Variants in CREB5 observed in about 807,000 individuals in gnomAD.
CREB5 encodes cyclic AMP-responsive element-binding protein 5.
CREB5 carries 19 observed loss-of-function variants against 57.1 expected under a neutral mutation model. The ratio of observed to expected loss-of-function variants is 0.33; its 90% confidence interval spans 0.23 to 0.49. The LOEUF (loss-of-function observed/expected upper bound fraction) is 0.49, where lower values mean the gene tolerates loss of function less well. Ranked by LOEUF, CREB5 falls within the 20% of genes least tolerant of loss-of-function variation. The pLI is 0.99. For missense variants in CREB5, 579 were observed against 671.6 expected (o/e 0.86, Z 1.52); for synonymous variants, 238 against 238.3 (o/e 1.00, Z 0.01).
chr7:28,562,367 C>T (rs1424956677), intron 4 of CREB5, among the ~76,000 whole-genome samples: 1 of 152,144 alleles, frequency 6.6e-6, no homozygotes, highest in Non-Finnish European at 1.5e-5. Context: ...GAGTATTCGA[C>T]TACAAGATTA....
chr7:28,306,568 T>TTTTTTTTTTTTTTTGTTTG (rs1785191302), intron 1 of CREB5, among the ~76,000 whole-genome samples: 9 of 132,712 alleles, frequency 6.8e-5, no homozygotes, highest in Non-Finnish European at 9.7e-5. Context: ...TTTTTTTTTT[T>TTTTTTTTTTTTTTTGTTTG]TTTTTTTTTT....
chr7:28,485,949 A>G (rs563158229), intron 1 of CREB5, among the ~76,000 whole-genome samples: 2 of 152,086 alleles, frequency 1.3e-5, no homozygotes, highest in Non-Finnish European at 2.9e-5. Context: ...AAGTTATTTT[A>G]ATTGCTCAAC....
intron 1 of CREB5, among the ~76,000 whole-genome samples, chr7:28,475,729 T>C (rs2128585947): frequency 6.6e-6 from 1 of 152,298 alleles, no homozygotes; most frequent in South Asian, 2.1e-4. Context: ...CTCTCCTTTC[T>C]TCCTGCCTGG....
chr7:28,534,636 T>C (rs1793880459), intron 4 of CREB5, among the ~76,000 whole-genome samples: 1 of 152,148 alleles, frequency 6.6e-6, no homozygotes, highest in African/African-American at 2.4e-5. Context: ...TTCCTTCTCT[T>C]CATCTCGACT....
intron 5 of CREB5, among the ~76,000 whole-genome samples, chr7:28,695,720 T>C (rs1801520973): frequency 6.6e-6 from 1 of 152,152 alleles, no homozygotes; most frequent in Admixed American, 6.5e-5. Flanking sequence ...ACTGAGTGCA[T>C]GTCTGATGAG....
intron 1 of CREB5, among the ~76,000 whole-genome samples, chr7:28,383,811 T>G: frequency 6.6e-6 from 1 of 152,160 alleles, no homozygotes; most frequent in East Asian, 1.9e-4. Context: ...GTAGCCAATT[T>G]GGGGAGTACA....
At chr7:28,720,574 T>C (rs558159478) in intron 6 of CREB5, among the ~76,000 whole-genome samples, 5 of 152,262 alleles carry the variant, frequency 3.3e-5, no homozygotes, top group Non-Finnish European at 7.4e-5. Flanking sequence ...GCCCGCAGAC[T>C]CAGTTTAGAG....
intron 5 of CREB5, among the ~76,000 whole-genome samples, chr7:28,645,162 G>A (rs1228801504): frequency 6.6e-6 from 1 of 152,134 alleles, no homozygotes; most frequent in Non-Finnish European, 1.5e-5. Context: ...AACAACTTGA[G>A]GCAATGGAAA....
In CREB5 at chr7:28,560,965, T is replaced by TGCGTGCGTGCGCGTGCGTGC. The variant is rs1554344532; in HGVS notation, c.292-9399_292-9398insCGTGCGTGCGCGTGCGTGCG. Among the ~76,000 whole-genome samples, 20 of 36,376 alleles carry TGCGTGCGTGCGCGTGCGTGC rather than the reference T, an allele frequency of 5.5e-4. 2 individuals are homozygous for TGCGTGCGTGCGCGTGCGTGC. Among genetic ancestry groups the TGCGTGCGTGCGCGTGCGTGC allele is most frequent in the Admixed American group, 7.1e-4 (3 of 4,218 alleles). The allele number at this position is 36,376 out of a possible 152,430, so 23.9% of individuals were successfully genotyped here. A position where few individuals can be genotyped will look rare whatever the true frequency, so the allele number is the denominator to read the frequency against. On this transcript the variant is annotated intron_variant, in intron 4 of 10. Coordinates refer to ENST00000357727, the MANE Select transcript of CREB5 (RefSeq NM_182898.4). ...GCGTGTGTGTGCGTGTGTGTGCGTG[T>TGCGTGCGTGCGCGTGCGTGC]GTGTGTGCGTGTGTGCGTGCGTGTG...
chr7:28,762,730 T>C (rs571175182), intron 7 of CREB5, among the ~76,000 whole-genome samples: 3 of 152,056 alleles, frequency 2.0e-5, no homozygotes, highest in African/African-American at 7.2e-5. Context: ...CTATGGTTTT[T>C]TTTTTTTCTT....
intron 7 of CREB5, among the ~76,000 whole-genome samples, chr7:28,776,193 C>G (rs1484912821): frequency 6.6e-6 from 1 of 152,020 alleles, no homozygotes; most frequent in East Asian, 1.9e-4. Flanking sequence ...AAAAAATTAG[C>G]CGGGTGTGGT....
intron 1 of CREB5, among the ~76,000 whole-genome samples, chr7:28,472,736 G>A (rs991661862): frequency 1.3e-5 from 2 of 152,160 alleles, no homozygotes; most frequent in East Asian, 3.8e-4. Context: ...TTCACTTGGG[G>A]ATGGAGGAAC....
At chr7:28,796,871 G>A (rs1223339059) in intron 7 of CREB5, among the ~76,000 whole-genome samples, 1 of 152,174 alleles carries the variant, frequency 6.6e-6, no homozygotes, top group East Asian at 1.9e-4. Flanking sequence ...GCTAAGACTA[G>A]CTCTGGCTCT....
chr7:28,819,207 C>A lies in CREB5; in HGVS notation c.1455C>A (p.Val485=). The A allele has an allele frequency of 3.1e-6, 5 of 1,613,948 alleles. No individual in the cohort carries two copies. Among genetic ancestry groups the A allele is most frequent in the Non-Finnish European group, 4.2e-6 (5 of 1,179,890 alleles). ...ATACCATCACTACTTCCTCATCGGT[C>A]AGCGAGGTGGTAGGAAGCTCCACCC... ...QHNTITTSSS[V]SEVVGSSTLS... is the part of the protein sequence containing the mutation. Residue 485 remains valine (V), a synonymous_variant, in exon 11 of 11, where the codon GTC becomes GTA. Coordinates refer to ENST00000357727, the MANE Select transcript of CREB5 (RefSeq NM_182898.4).
intron 5 of CREB5, among the ~76,000 whole-genome samples, chr7:28,582,509 G>A (rs1796158139): frequency 6.6e-6 from 1 of 152,138 alleles, no homozygotes; most frequent in South Asian, 2.1e-4. Context: ...TTTTCAAGGT[G>A]TTTCCATGAA....
At chr7:28,368,492 G>A (rs942234913) in intron 1 of CREB5, among the ~76,000 whole-genome samples, 7 of 152,190 alleles carry the variant, frequency 4.6e-5, no homozygotes, top group East Asian at 1.9e-4. Context: ...CCACTTTCAT[G>A]TTTGTCTTGC....
intron 5 of CREB5, among the ~76,000 whole-genome samples, chr7:28,647,443 G>A (rs2128704735): frequency 6.6e-6 from 1 of 152,168 alleles, no homozygotes; most frequent in African/African-American, 2.4e-5. Context: ...AATATGGGTG[G>A]TATGATTAAA....
At chr7:28,456,104 A>C (rs1236801738) in intron 1 of CREB5, among the ~76,000 whole-genome samples, 5 of 152,150 alleles carry the variant, frequency 3.3e-5, no homozygotes, top group Non-Finnish European at 4.4e-5. Flanking sequence ...TGAAATTATA[A>C]ATGGACTTTA....
intron 5 of CREB5, among the ~76,000 whole-genome samples, chr7:28,580,177 A>G (rs1796063168): frequency 6.6e-6 from 1 of 152,186 alleles, no homozygotes; most frequent in Non-Finnish European, 1.5e-5. Flanking sequence ...CAACCTATAG[A>G]TGCCTACTCC....
Sources: gnomAD v4.1 joint callset for allele counts (sites outside exome capture counted in the v4.1 genomes callset) on GRCh38, gnomAD v4.1.1 for gene constraint, MANE v1.5 for transcripts, NCBI Gene and HGNC (gene_info 2026-07-23, HGNC 2026-07-21) for gene names.